Variants in MGARP observed in about 807,000 individuals in gnomAD.
MGARP encodes protein MGARP.
MGARP carries 12 observed loss-of-function variants against 11.0 expected under a neutral mutation model. The ratio of observed to expected loss-of-function variants is 1.09; its 90% CI spans 0.70 to 1.77. The LOEUF (loss-of-function observed/expected upper bound fraction) is 1.77. Ranked by LOEUF, MGARP falls within the 40% of genes most tolerant of loss-of-function variation. The pLI is 0.00. For synonymous variants in MGARP, 110 were observed against 115.4 expected (o/e 0.95, Z 0.30); for missense variants, 283 against 297.8 (o/e 0.95, Z 0.36).
In MGARP at chr4:139,266,523, T is replaced by C. The variant is rs1744698769; in HGVS notation, c.*76A>G. The C allele has an allele frequency of 7.8e-7, 1 of 1,280,572 alleles. No homozygotes were observed. Among genetic ancestry groups the C allele is most frequent in the Admixed American group, 2.7e-5 (1 of 36,374 alleles). The allele number at this position is 1,280,572 out of a possible 1,614,324, so 79.3% of individuals were successfully genotyped here. On this transcript the variant is annotated 3_prime_UTR_variant, in exon 4 of 4. Coordinates refer to ENST00000398955, the MANE Select transcript of MGARP (RefSeq NM_032623.4). ...AAAATAAGTCTTTTTTTTTTTAAAC[T>C]AAGTGTACTAAAAACACAAAAGCAC...
At chr4:139,275,486 C>A (rs926721278) in intron 1 of MGARP, 94 bp from the exon 2 acceptor site, 8 of 901,910 alleles carry the variant, frequency 8.9e-6, no homozygotes, top group African/African-American at 1.7e-5. Context: ...ACTCAGTGAA[C>A]CTAGAATCTA....
At chr4:139,276,578 A>G (rs6833034) in intron 1 of MGARP, among the ~76,000 whole-genome samples, 45,053 of 152,098 alleles carry the variant, frequency 0.3, 7,526 homozygotes, top group African/African-American at 0.46. Flanking sequence ...TGGGTGCAGT[A>G]GCTTATGCCT....
chr4:139,270,875 A>G (rs1744770395), intron 2 of MGARP, among the ~76,000 whole-genome samples: 3 of 152,176 alleles, frequency 2.0e-5, no homozygotes, highest in Admixed American at 6.5e-5. Context: ...TCAGTACACA[A>G]ACCGAACCAG....
At chr4:139,279,980 G>T (rs1744932260) in intron 1 of MGARP, 97 bp downstream of exon 1, 39 of 1,262,988 alleles carry the variant, frequency 3.1e-5, no homozygotes, top group Admixed American at 5.7e-5. Flanking sequence ...GCTCTGGGTC[G>T]GGTTTGGCCA....
At position 139,280,150 on chromosome 4, in the gene MGARP, G is replaced by C; in HGVS notation, c.9C>G (p.Leu3=). 1.9e-6 allele frequency: 3 copies of C among 1,609,194 alleles called. No individual in the cohort carries two copies. Among genetic ancestry groups the C allele is most frequent in the Non-Finnish European group, 2.5e-6 (3 of 1,178,734 alleles). Residue 3 remains leucine (L), a synonymous_variant, in exon 1 of 4, where the codon CTC becomes CTG. Transcript: ENST00000398955. MY[L]RRAVSKTLAL... is the part of the protein sequence containing the mutation. ...CCAGAGTCTTGGAGACCGCCCTGCG[G>C]AGATACATCGCGCCCGCTGTCCGCC...
intron 2 of MGARP, among the ~76,000 whole-genome samples, chr4:139,269,053 T>C (rs1213104984): frequency 6.6e-6 from 1 of 152,200 alleles, no homozygotes; most frequent in Non-Finnish European, 1.5e-5. Flanking sequence ...CAAATCAATC[T>C]ATACATCAAA....
intron 2 of MGARP, among the ~76,000 whole-genome samples, chr4:139,270,604 G>A (rs1486130677): frequency 9.7e-6 from 1 of 102,802 alleles, no homozygotes; most frequent in African/African-American, 4.2e-5. Context: ...GCGAGACCGC[G>A]TCTGAAAAAA....
At chr4:139,267,943 G>C (rs1202732264) in intron 3 of MGARP, among the ~76,000 whole-genome samples, 1 of 152,146 alleles carries the variant, frequency 6.6e-6, no homozygotes, top group South Asian at 2.1e-4. Flanking sequence ...GTGAGACCCT[G>C]TCTCTGCAAA....
intron 1 of MGARP, among the ~76,000 whole-genome samples, chr4:139,279,086 A>G (rs1744916534): frequency 6.6e-6 from 1 of 152,140 alleles, no homozygotes; most frequent in Non-Finnish European, 1.5e-5. Flanking sequence ...GAGCATTAAG[A>G]ACCCTTCACG....
In MGARP at chr4:139,268,642, T is replaced by C. The variant is rs1450380132; in HGVS notation, c.280+30A>G. 8.7e-6 allele frequency: 13 copies of C among 1,497,804 alleles called. No homozygotes were observed. The South Asian group carries it at 1.4e-4, about 17-fold the overall frequency. The allele number at this position is 1,497,804 out of a possible 1,614,324, so 92.8% of individuals were successfully genotyped here. A position where few individuals can be genotyped will look rare whatever the true frequency, so the allele number is the denominator to read the frequency against. On this transcript the variant is annotated intron_variant, in intron 3 of 3. Transcript: ENST00000398955. ...GGAAATTAGTGCCTCAAAAAATAAATAAAAATAAAAAATTAAGAAATTCAT... is the reference window on the plus strand; with the variant it reads ...GGAAATTAGTGCCTCAAAAAATAAACAAAAATAAAAAATTAAGAAATTCAT...
At chr4:139,272,572 A>C (rs1018503481) in intron 2 of MGARP, among the ~76,000 whole-genome samples, 10 of 151,632 alleles carry the variant, frequency 6.6e-5, no homozygotes, top group Non-Finnish European at 1.0e-4. Flanking sequence ...AAAAAAAAAA[A>C]AAAAAAAATT....
intron 1 of MGARP, among the ~76,000 whole-genome samples, chr4:139,278,436 A>G (rs1485945576): frequency 6.6e-6 from 1 of 152,196 alleles, no homozygotes; most frequent in African/African-American, 2.4e-5. Context: ...GTGCTGCAAA[A>G]ATAGTTAGAT....
At chr4:139,278,427 T>C (rs1744904955) in intron 1 of MGARP, among the ~76,000 whole-genome samples, 1 of 152,224 alleles carries the variant, frequency 6.6e-6, no homozygotes, top group Admixed American at 6.5e-5. Flanking sequence ...ACATTTTAAG[T>C]GCTGCAAAAA....
At chr4:139,273,098 G>T (rs1744811477) in intron 2 of MGARP, among the ~76,000 whole-genome samples, 1 of 152,246 alleles carries the variant, frequency 6.6e-6, no homozygotes, top group African/African-American at 2.4e-5. Flanking sequence ...TAGAGATGGG[G>T]TCCCGCTATG....
At chr4:139,277,897 A>G (rs972576295) in intron 1 of MGARP, among the ~76,000 whole-genome samples, 6 of 152,122 alleles carry the variant, frequency 3.9e-5, no homozygotes, top group Admixed American at 1.3e-4. Flanking sequence ...TTCCCCAATT[A>G]TCTATTATAA....
intron 1 of MGARP, among the ~76,000 whole-genome samples, chr4:139,277,825 A>G (rs1242818508): frequency 6.6e-6 from 1 of 152,220 alleles, no homozygotes; most frequent in Non-Finnish European, 1.5e-5. Flanking sequence ...CTAAAACGTA[A>G]TTAGTTGTGT....
intron 2 of MGARP, among the ~76,000 whole-genome samples, chr4:139,270,531 C>T (rs946400939): frequency 7.4e-5 from 11 of 148,614 alleles, no homozygotes; most frequent in Admixed American, 1.4e-4. Flanking sequence ...ATGGCGTGAA[C>T]CCAGGAGGTG....
chr4:139,278,922 G>T (rs1263032034), intron 1 of MGARP, among the ~76,000 whole-genome samples: 1 of 151,982 alleles, frequency 6.6e-6, no homozygotes, highest in Non-Finnish European at 1.5e-5. Flanking sequence ...TTAGACCTCC[G>T]TCCTTCCCTC....
chr4:139,272,537 C>T lies in MGARP; in HGVS notation c.186+2752G>A, dbSNP rs190223552. Among the ~76,000 whole-genome samples, 549 of 126,396 alleles carry T rather than the reference C, an allele frequency of 4.3e-3. 3 individuals are homozygous for T. Among genetic ancestry groups the T allele is most frequent in the African/African-American group, 0.016 (507 of 31,896 alleles). 82.9% of individuals were successfully genotyped at this position (126,396 alleles called of 152,430 possible). On this transcript the variant is annotated intron_variant, in intron 2 of 3. Transcript: ENST00000398955. Reference sequence around the variant, plus strand: ...TTGCATCACTGCACTCCAGCCTGGACGAGAGCGAGACTCTGTCCCCTCCCA... The same window carrying T: ...TTGCATCACTGCACTCCAGCCTGGATGAGAGCGAGACTCTGTCCCCTCCCA...
Sources: gnomAD v4.1 joint callset for allele counts (sites outside exome capture counted in the v4.1 genomes callset) on GRCh38, gnomAD v4.1.1 for gene constraint, MANE v1.5 for transcripts, NCBI Gene and HGNC (gene_info 2026-07-23, HGNC 2026-07-21) for gene names.